Variants in LINGO2 observed in about 807,000 individuals in gnomAD.
The protein encoded by LINGO2 is leucine rich repeat and Ig domain containing 2.
LINGO2 carries 14 observed loss-of-function variants against 30.6 expected under a neutral mutation model. The ratio of observed to expected loss-of-function variants is 0.46; its 90% CI spans 0.30 to 0.72. The LOEUF (loss-of-function observed/expected upper bound fraction) is 0.72. LINGO2 is among the 30% of genes least tolerant of loss of function. The probability of loss-of-function intolerance (pLI) is 0.07; values close to 1 mark genes in which losing one functional copy is unlikely to be tolerated. For missense variants in LINGO2, 729 were observed against 751.7 expected (o/e 0.97, Z 0.35); for synonymous variants, 317 against 288.5 (o/e 1.10, Z -1.00).
chr9:28,169,710 A>C (rs565032838), intron 4 of LINGO2, among the ~76,000 whole-genome samples: 69 of 152,324 alleles, frequency 4.5e-4, no homozygotes, highest in African/African-American at 1.3e-3. Context: ...CATAGAAAAC[A>C]TACAGCATGG....
intron 5 of LINGO2, among the ~76,000 whole-genome samples, chr9:27,991,384 G>A (rs1281194779): frequency 1.3e-5 from 2 of 152,010 alleles, no homozygotes; most frequent in Non-Finnish European, 2.9e-5. Context: ...AAGTGGATAG[G>A]TGACCTTTCA....
chr9:28,615,742 G>C (rs941957917), intron 1 of LINGO2, among the ~76,000 whole-genome samples: 1 of 152,074 alleles, frequency 6.6e-6, no homozygotes, highest in Non-Finnish European at 1.5e-5. Flanking sequence ...TGTTGGTGAG[G>C]TAATTAAAAA....
At chr9:27,945,826 G>A (rs146920475), downstream of LINGO2, among the ~76,000 whole-genome samples, 2 of 152,112 alleles carry the variant, frequency 1.3e-5, no homozygotes, top group Non-Finnish European at 2.9e-5. Context: ...CAGATAGTGA[G>A]AGTGTAGAAA....
chr9:28,265,620 T>C (rs1822721463), intron 4 of LINGO2, among the ~76,000 whole-genome samples: 1 of 152,068 alleles, frequency 6.6e-6, no homozygotes, highest in African/African-American at 2.4e-5. Flanking sequence ...ACTTCTCAAA[T>C]GGAGCTGAAA....
At chr9:28,223,614 C>T (rs1227871507) in intron 4 of LINGO2, among the ~76,000 whole-genome samples, 1 of 151,958 alleles carries the variant, frequency 6.6e-6, no homozygotes, top group Admixed American at 6.6e-5. Flanking sequence ...AAGATGGAAA[C>T]AAAAAGACTA....
intron 2 of LINGO2, among the ~76,000 whole-genome samples, chr9:28,384,457 A>G (rs186046053): frequency 6.6e-6 from 1 of 151,384 alleles, no homozygotes; most frequent in East Asian, 1.9e-4. Context: ...ATACGTTTTG[A>G]TATACTTCAT....
intron 3 of LINGO2, among the ~76,000 whole-genome samples, chr9:28,361,062 C>A (rs555769597): frequency 6.6e-6 from 1 of 152,170 alleles, no homozygotes; most frequent in Non-Finnish European, 1.5e-5. Context: ...CATTCAGCTC[C>A]GTCCAACCTG....
intron 3 of LINGO2, among the ~76,000 whole-genome samples, chr9:28,342,990 A>G (rs1046442024): frequency 5.3e-5 from 8 of 152,302 alleles, no homozygotes; most frequent in African/African-American, 1.9e-4. Context: ...TGCTGGGTAG[A>G]TAGTGATTTC....
chr9:28,534,491 A>G (rs12554290), intron 1 of LINGO2, among the ~76,000 whole-genome samples: 5,091 of 152,254 alleles, frequency 0.033, 124 homozygotes, highest in Non-Finnish European at 0.052. Context: ...TAACCAAGAT[A>G]TCGTACTATA....
chr9:29,157,247 C>T, the LINGO2 span, among the ~76,000 whole-genome samples: 2 of 152,058 alleles, frequency 1.3e-5, no homozygotes, highest in Non-Finnish European at 2.9e-5. Flanking sequence ...AGGAGAAAGA[C>T]TCATAAATAA....
At chr9:28,375,785 C>G (rs1821107662) in intron 2 of LINGO2, among the ~76,000 whole-genome samples, 1 of 152,162 alleles carries the variant, frequency 6.6e-6, no homozygotes, top group African/African-American at 2.4e-5. Flanking sequence ...ATTTCCTGTT[C>G]ACAAAAGTTT....
At chr9:28,828,859 G>A in the LINGO2 span, among the ~76,000 whole-genome samples, 35 of 152,266 alleles carry the variant, frequency 2.3e-4, no homozygotes, top group African/African-American at 7.9e-4. Context: ...TTCAGCAGTT[G>A]TAATTTACTT....
At chr9:28,817,007 C>G in the LINGO2 span, among the ~76,000 whole-genome samples, 3 of 152,126 alleles carry the variant, frequency 2.0e-5, no homozygotes, top group Non-Finnish European at 4.4e-5. Context: ...AGAAATCCAT[C>G]TGTGGATGTA....
chr9:28,805,604 A>G, the LINGO2 span, among the ~76,000 whole-genome samples: 2 of 152,174 alleles, frequency 1.3e-5, no homozygotes, highest in African/African-American at 2.4e-5. Flanking sequence ...TAAGGGCATC[A>G]TGGTAAAAAT....
the LINGO2 span, among the ~76,000 whole-genome samples, chr9:29,049,710 T>C: frequency 6.5e-3 from 983 of 152,286 alleles, 10 homozygotes; most frequent in African/African-American, 0.023. Flanking sequence ...AAACATTACA[T>C]GTTCTCACTG....
At chr9:28,332,124 T>C (rs1825441962) in intron 3 of LINGO2, among the ~76,000 whole-genome samples, 1 of 152,160 alleles carries the variant, frequency 6.6e-6, no homozygotes, top group South Asian at 2.1e-4. Flanking sequence ...AAGAAAATTC[T>C]CTGATTTTTT....
the LINGO2 span, among the ~76,000 whole-genome samples, chr9:29,067,405 T>C: frequency 5.3e-5 from 8 of 151,760 alleles, no homozygotes; most frequent in Admixed American, 2.6e-4. Flanking sequence ...TTTTAAAAAC[T>C]ATCCTATTAA....
chr9:28,606,219 A>C (rs1415248357), intron 1 of LINGO2, among the ~76,000 whole-genome samples: 2 of 151,998 alleles, frequency 1.3e-5, no homozygotes, highest in Non-Finnish European at 2.9e-5. Flanking sequence ...TTGCCATCTG[A>C]GGCCCCTTGA....
chr9:28,269,587 T>C (rs1252268878), intron 4 of LINGO2, among the ~76,000 whole-genome samples: 1 of 152,134 alleles, frequency 6.6e-6, no homozygotes, highest in South Asian at 2.1e-4. Flanking sequence ...CTTTATACTA[T>C]GACCTTAAGT....
Sources: gnomAD v4.1 joint callset for allele counts (sites outside exome capture counted in the v4.1 genomes callset) on GRCh38, gnomAD v4.1.1 for gene constraint, MANE v1.5 for transcripts, NCBI Gene and HGNC (gene_info 2026-07-23, HGNC 2026-07-21) for gene names.